Variants in DMD observed in about 807,000 individuals in gnomAD.
DMD encodes the protein mutant dystrophin.
A neutral mutation model predicts 330.1 loss-of-function variants in DMD; 63 were observed. The observed-to-expected ratio is 0.19, with a 90% CI of 0.16 to 0.24. The LOEUF (loss-of-function observed/expected upper bound fraction) is 0.24. DMD is among the 10% of genes least tolerant of loss of function. The pLI is 1.00. For missense variants in DMD, 3,344 were observed against 2,684.1 expected, an observed-to-expected ratio of 1.25 and a Z score of -5.43; for synonymous variants, 1,223 against 959.8, an observed-to-expected ratio of 1.27 and a Z score of -5.07.
intron 2 of DMD, among the ~76,000 whole-genome samples, chrX:32,975,029 T>G (rs10522018): frequency 0.059 from 6,615 of 111,837 alleles, 237 homozygotes; most frequent in East Asian, 0.17. Flanking sequence ...AAGAGCCATC[T>G]ATAACATCCT....
In DMD at chrX:32,718,346, G is replaced by A. The variant is rs144926695; in HGVS notation, c.650-19053C>T. On this transcript the variant is annotated intron_variant, in intron 7 of 78. Coordinates refer to ENST00000357033, the MANE Select transcript of DMD (RefSeq NM_004006.3). ...TTGTGTGAAAGCGTGTAGCATCTCT[G>A]CCTGCTCTCTCTTCCTCCTTCTCTG... Among the ~76,000 whole-genome samples, 42 of 110,838 alleles carry A rather than the reference G, an allele frequency of 3.8e-4. No homozygotes were observed. In the East Asian group the frequency reaches 0.011, roughly 29 times the overall value.
chrX:31,996,652 A>G (rs1484179330), intron 44 of DMD, among the ~76,000 whole-genome samples: 1 of 111,971 alleles, frequency 8.9e-6, no homozygotes, highest in Non-Finnish European at 1.9e-5. Flanking sequence ...CAGCTATGAT[A>G]AAAGACAGTA....
chrX:32,634,398 G>C (rs1034031550), intron 11 of DMD, among the ~76,000 whole-genome samples: 14 of 112,005 alleles, frequency 1.2e-4, no homozygotes, highest in African/African-American at 3.9e-4. Context: ...TCCTGAAGCA[G>C]AAGGATTCTC....
At chrX:32,474,057 A>T (rs965170693) in intron 21 of DMD, among the ~76,000 whole-genome samples, 3 of 111,070 alleles carry the variant, frequency 2.7e-5, no homozygotes, top group African/African-American at 9.8e-5. Flanking sequence ...TATCTCCCAC[A>T]TATCAGTGAG....
intron 51 of DMD, among the ~76,000 whole-genome samples, chrX:31,741,833 A>G (rs1372851731): frequency 9.0e-6 from 1 of 111,551 alleles, no homozygotes; most frequent in East Asian, 2.8e-4. Context: ...TCTAGCTATG[A>G]AAGTCCTAGA....
intron 9 of DMD, among the ~76,000 whole-genome samples, chrX:32,689,635 A>G (rs1208767896): frequency 9.0e-6 from 1 of 111,152 alleles, no homozygotes; most frequent in African/African-American, 3.3e-5. Context: ...CTTGACAGAT[A>G]TAGAGGCAAA....
intron 4 of DMD, among the ~76,000 whole-genome samples, chrX:32,842,010 G>A (rs2080205349): frequency 8.9e-6 from 1 of 112,050 alleles, no homozygotes; most frequent in Non-Finnish European, 1.9e-5. Flanking sequence ...TTTGAAACAT[G>A]CTTTGGATTC....
intron 61 of DMD, among the ~76,000 whole-genome samples, chrX:31,344,356 G>A (rs2057962552): frequency 8.9e-6 from 1 of 111,850 alleles, no homozygotes; most frequent in Non-Finnish European, 1.9e-5. Context: ...AATAAAGATT[G>A]TGAAATAATC....
intron 12 of DMD, among the ~76,000 whole-genome samples, chrX:32,603,720 G>A (rs1211036130): frequency 1.8e-5 from 2 of 110,733 alleles, no homozygotes; most frequent in Admixed American, 9.6e-5. Context: ...AGACTACTAT[G>A]GGCATCTCTA....
chrX:31,898,066 G>A (rs1603548218), intron 47 of DMD, among the ~76,000 whole-genome samples: 1 of 110,496 alleles, frequency 9.1e-6, no homozygotes, highest in Non-Finnish European at 1.9e-5. Flanking sequence ...TACAAGGGAT[G>A]TGAAGGACCT....
intron 1 of DMD, among the ~76,000 whole-genome samples, chrX:33,163,697 C>T (rs1158886890): frequency 9.9e-6 from 1 of 100,944 alleles, no homozygotes; most frequent in African/African-American, 4.1e-5. Context: ...AATTGCATTC[C>T]TCTCTTACTC....
In DMD at chrX:32,879,285, G is replaced by A. The variant is rs1360206654; in HGVS notation, c.94-29465C>T. On this transcript the variant is annotated intron_variant, in intron 2 of 78. Transcript: ENST00000357033. ...GCGGCAGACTGTTCTTGGGCCGCTG[G>A]GAAGCCTGTGGTGATAAACAGCATT... is the stretch of plus-strand genomic sequence containing the variant. Among the ~76,000 whole-genome samples the A allele has an allele frequency of 2.7e-5, 3 of 111,269 alleles. No homozygotes were observed. The East Asian group carries it at 8.5e-4, about 32-fold the overall frequency.
chrX:33,029,874 A>G (rs1323261365), intron 1 of DMD, among the ~76,000 whole-genome samples: 1 of 111,893 alleles, frequency 8.9e-6, no homozygotes, highest in Non-Finnish European at 1.9e-5. Flanking sequence ...AAACAGTGCC[A>G]TCTGGTAGAT....
At chrX:31,146,749 A>G (rs1419215523) in intron 75 of DMD, among the ~76,000 whole-genome samples, 1 of 112,414 alleles carries the variant, frequency 8.9e-6, no homozygotes, top group Non-Finnish European at 1.9e-5. Context: ...TGGAAGATTC[A>G]TATCTTTGTG....
chrX:32,786,189 C>G (rs1394437671), intron 7 of DMD, among the ~76,000 whole-genome samples: 1 of 109,142 alleles, frequency 9.2e-6, no homozygotes, highest in Non-Finnish European at 1.9e-5. Context: ...CCAACTGATT[C>G]TATACAGAAA....
intron 29 of DMD, among the ~76,000 whole-genome samples, chrX:32,413,673 A>G (rs1603632940): frequency 9.7e-6 from 1 of 103,081 alleles, no homozygotes; most frequent in African/African-American, 3.6e-5. Context: ...AAAATTCTCT[A>G]GTGATTCTTT....
intron 44 of DMD, among the ~76,000 whole-genome samples, chrX:32,049,714 T>C (rs1235553085): frequency 9.0e-6 from 1 of 111,569 alleles, no homozygotes; most frequent in African/African-American, 3.3e-5. Context: ...CCTCCTCTAG[T>C]ATAAGGACTC....
At chrX:31,941,746 C>A (rs1355406746) in intron 45 of DMD, among the ~76,000 whole-genome samples, 1 of 111,152 alleles carries the variant, frequency 9.0e-6, no homozygotes, top group African/African-American at 3.3e-5. Context: ...TTGTTTTCAC[C>A]TTTATAATGA....
chrX:33,188,640 A>G (rs1483221034), intron 1 of DMD, among the ~76,000 whole-genome samples: 1 of 111,629 alleles, frequency 9.0e-6, no homozygotes, highest in Non-Finnish European at 1.9e-5. Flanking sequence ...TCAGATGCCA[A>G]TTTTTGTTTG....
Sources: gnomAD v4.1 joint callset for allele counts (sites outside exome capture counted in the v4.1 genomes callset) on GRCh38, gnomAD v4.1.1 for gene constraint, MANE v1.5 for transcripts, NCBI Gene and HGNC (gene_info 2026-07-23, HGNC 2026-07-21) for gene names.